TNS3: variants seen among roughly 807,000 people sequenced by gnomAD.
TNS3 encodes the protein tensin-3.
TNS3 carries 45 observed loss-of-function variants against 140.9 expected under a neutral mutation model. The ratio of observed to expected loss-of-function variants is 0.32; its 90% CI spans 0.25 to 0.41. TNS3 has a LOEUF of 0.41. Among genes scored for constraint, TNS3 ranks in the 10% least tolerant of loss-of-function variants. TNS3 has a pLI of 1.00. For missense variants in TNS3, 1,716 were observed against 1,906.7 expected, an observed-to-expected ratio of 0.90 and a Z score of 1.86; for synonymous variants, 815 against 788.4, an observed-to-expected ratio of 1.03 and a Z score of -0.56.
intron 9 of TNS3, among the ~76,000 whole-genome samples, chr7:47,427,123 CAA>C (rs61383259): frequency 0.065 from 6,888 of 106,598 alleles, 354 homozygotes; most frequent in African/African-American, 0.18. Flanking sequence ...AAGACTCTGT[CAA>C]AAAAAAAAAA....
chr7:47,422,632 G>GA (rs557302027), intron 10 of TNS3, among the ~76,000 whole-genome samples: 7 of 118,262 alleles, frequency 5.9e-5, no homozygotes, highest in East Asian at 2.3e-4. Flanking sequence ...AAAAAGAAAA[G>GA]AAAAAAAAAA....
At chr7:47,397,928 T>C (rs1005017794) in intron 15 of TNS3, among the ~76,000 whole-genome samples, 7 of 152,046 alleles carry the variant, frequency 4.6e-5, no homozygotes, top group African/African-American at 1.7e-4. Context: ...TGATAGACCA[T>C]TAGCTAGATT....
chr7:47,493,895 CT>C (rs1181001724), intron 3 of TNS3, among the ~76,000 whole-genome samples: 1 of 151,914 alleles, frequency 6.6e-6, no homozygotes, highest in African/African-American at 2.4e-5. Context: ...CTTATCAAAT[CT>C]TTTAAAATTA....
chr7:47,574,891 C>A (rs1371036763), intron 1 of TNS3, among the ~76,000 whole-genome samples: 6 of 152,066 alleles, frequency 3.9e-5, no homozygotes, highest in Admixed American at 3.9e-4. Flanking sequence ...TTAAGGGACA[C>A]CGAGTTTCAG....
At chr7:47,347,945 C>T (rs1056875510) in intron 17 of TNS3, among the ~76,000 whole-genome samples, 3 of 152,194 alleles carry the variant, frequency 2.0e-5, no homozygotes, top group Admixed American at 1.3e-4. Context: ...GAGTCCTACT[C>T]ACACAGCAGC....
At chr7:47,480,557 T>C (rs2964952) in intron 4 of TNS3, among the ~76,000 whole-genome samples, 151,104 of 152,370 alleles carry the variant, frequency 0.99, 74,943 homozygotes, top group East Asian at 1. Context: ...GGAGGTACCA[T>C]GACCTTCCAA....
At chr7:47,361,093 G>A (rs927361281) in intron 17 of TNS3, among the ~76,000 whole-genome samples, 3 of 150,332 alleles carry the variant, frequency 2.0e-5, no homozygotes, top group African/African-American at 7.4e-5. Context: ...CCACCCCATG[G>A]AACCCCCATC....
chr7:47,557,108 G>A, intron 1 of TNS3: 1 of 456,820 alleles, frequency 2.2e-6, no homozygotes, highest in South Asian at 1.5e-5. Flanking sequence ...CCTGATCTCT[G>A]CCTGGAGCAC....
At chr7:47,582,242 A>G, upstream of TNS3, 1 of 245,790 alleles carries the variant, frequency 4.1e-6, no homozygotes, top group Non-Finnish European at 8.2e-6. Context: ...ACCTGGCCTC[A>G]TCACCCTAAC....
chr7:47,399,136 T>C (rs1440001370), intron 15 of TNS3, among the ~76,000 whole-genome samples: 1 of 130,046 alleles, frequency 7.7e-6, no homozygotes, highest in Non-Finnish European at 1.6e-5. Flanking sequence ...GAAAGATCCA[T>C]ACGAGGAGAA....
rs140799405 is a variant in TNS3 at position 47,389,109 on chromosome 7, CAGAAGAAGA to C, written c.1024+7682_1024+7690del. Among the ~76,000 whole-genome samples the C allele has an allele frequency of 8.6e-4, 51 of 59,072 alleles. 12 individuals are homozygous for C. Among genetic ancestry groups the C allele is most frequent in the Non-Finnish European group, 1.6e-3 (45 of 27,830 alleles). The allele number at this position is 59,072 out of a possible 152,430, so 38.8% of individuals were successfully genotyped here. A position where few individuals can be genotyped will look rare whatever the true frequency, so the allele number is the denominator to read the frequency against. ...GAGGAAGAGGAAGAGGAAGCGGAAG[CAGAAGAAGA>C]AGAAGAAGAAGAAGAAGAAGAAGAA... is the stretch of plus-strand genomic sequence containing the variant. On this transcript the variant is annotated intron_variant, in intron 16 of 30. Transcript: ENST00000311160.
At chr7:47,565,869 G>T (rs1338981148) in intron 1 of TNS3, among the ~76,000 whole-genome samples, 1 of 152,140 alleles carries the variant, frequency 6.6e-6, no homozygotes, top group Non-Finnish European at 1.5e-5. Flanking sequence ...CTAAGTATGA[G>T]AACTGTAAAT....
intron 17 of TNS3, among the ~76,000 whole-genome samples, chr7:47,361,860 T>G (rs1014084868): frequency 6.6e-6 from 1 of 151,838 alleles, no homozygotes; most frequent in African/African-American, 2.4e-5. Flanking sequence ...AGGGTGGAGG[T>G]TGATGTAACA....
chr7:47,389,111 GAAGAAGAAGAAGAAGAAGAA>G lies in TNS3; in HGVS notation c.1024+7669_1024+7688del, dbSNP rs1792336176. 1.2e-3 allele frequency among the ~76,000 whole-genome samples: 67 copies of G among 56,918 alleles called. 11 individuals are homozygous for G. The East Asian group carries it at 0.022, about 19-fold the overall frequency. The allele number at this position is 56,918 out of a possible 152,430, so 37.3% of individuals were successfully genotyped here. A position where few individuals can be genotyped will look rare whatever the true frequency, so the allele number is the denominator to read the frequency against. ...GGAAGAGGAAGAGGAAGCGGAAGCA[GAAGAAGAAGAAGAAGAAGAA>G]GAAGAAGAAGAAGAAGAAGAAGAAG... is the stretch of plus-strand genomic sequence containing the variant. On this transcript the variant is annotated intron_variant, in intron 16 of 30. Coordinates refer to ENST00000311160, the MANE Select transcript of TNS3 (RefSeq NM_022748.12).
At chr7:47,545,222 G>A (rs745829876) in intron 1 of TNS3, among the ~76,000 whole-genome samples, 33 of 142,392 alleles carry the variant, frequency 2.3e-4, no homozygotes, top group Admixed American at 5.2e-4. Flanking sequence ...TCACTGCAAC[G>A]TCCACCTCCC....
At chr7:47,384,973 G>A (rs1363970067) in intron 16 of TNS3, among the ~76,000 whole-genome samples, 6 of 152,190 alleles carry the variant, frequency 3.9e-5, no homozygotes, top group African/African-American at 1.4e-4. Context: ...CCTGTTGCCA[G>A]GGGAAGCTCC....
chr7:47,500,516 G>A (rs750360684), intron 3 of TNS3, among the ~76,000 whole-genome samples: 2 of 152,202 alleles, frequency 1.3e-5, no homozygotes, highest in African/African-American at 2.4e-5. Flanking sequence ...AAATGACAGA[G>A]CATATCTAAA....
chr7:47,480,913 C>T (rs979417022), intron 4 of TNS3, among the ~76,000 whole-genome samples, 190 bp downstream of exon 4: 8 of 152,214 alleles, frequency 5.3e-5, no homozygotes, highest in Non-Finnish European at 1.2e-4. Context: ...CTCTAAAAAA[C>T]CATGCAAATG....
chr7:47,545,141 ATT>A (rs34499360), intron 1 of TNS3, among the ~76,000 whole-genome samples: 1,911 of 121,914 alleles, frequency 0.016, 27 homozygotes, highest in African/African-American at 0.042. Flanking sequence ...GTAAGAGGGC[ATT>A]TTTTTTTTTT....
Sources: allele counts gnomAD v4.1 joint callset (sites outside exome capture counted in the v4.1 genomes callset), GRCh38; gene constraint gnomAD v4.1.1; transcripts MANE v1.5; gene names NCBI Gene and HGNC (gene_info 2026-07-23, HGNC 2026-07-21).